Variants in KIF26A observed in about 807,000 individuals in gnomAD.
KIF26A encodes the protein kinesin family member 26A.
KIF26A carries 74 observed loss-of-function variants against 126.0 expected under a neutral mutation model. The observed-to-expected ratio is 0.59, with a 90% CI of 0.49 to 0.71. KIF26A has a LOEUF of 0.71. Ranked by LOEUF, KIF26A falls within the 30% of genes least tolerant of loss-of-function variation. KIF26A has a pLI of 0.00. For missense variants in KIF26A, 2,984 were observed against 2,763.3 expected (o/e 1.08, Z -1.79); for synonymous variants, 1,445 against 1,232.7 (o/e 1.17, Z -3.61).
At chr14:104,141,396 A>G (rs1353608946) in intron 2 of KIF26A, among the ~76,000 whole-genome samples, 1 of 152,222 alleles carries the variant, frequency 6.6e-6, no homozygotes, top group Non-Finnish European at 1.5e-5. Flanking sequence ...GAACTTCACA[A>G]TCATCCATCT....
In KIF26A at chr14:104,157,903, G is replaced by C. The variant is rs752300455; in HGVS notation, c.884G>C (p.Gly295Ala). ...LVTPTPGSVG[G>A]STGPSAAASF... The stretch of plus-strand genomic sequence containing the variant: ...ACCCCCACCCCGGGCTCGGTGGGGG[G>C]CTCCACAGGCCCCTCAGCTGCAGCC... Residue 295 changes from glycine (G) to alanine (A), a missense_variant, in exon 4 of 15, where the codon GGC becomes GCC. By Grantham distance (60) the Gly-to-Ala change is moderately conservative. Transcript: ENST00000423312. The C allele has an allele frequency of 2.6e-6, 4 of 1,557,278 alleles. No individual in the cohort carries two copies. The highest frequency in any genetic ancestry group is 3.5e-6 in the Non-Finnish European group (4 of 1,149,292).
intron 2 of KIF26A, among the ~76,000 whole-genome samples, chr14:104,149,925 G>C (rs1193647685): frequency 1.3e-5 from 2 of 152,174 alleles, no homozygotes; most frequent in East Asian, 1.9e-4. Flanking sequence ...CCCTTCACAC[G>C]GGGCCACCAG....
intron 2 of KIF26A, among the ~76,000 whole-genome samples, chr14:104,143,402 C>T (rs890025946): frequency 2.0e-5 from 3 of 152,232 alleles, no homozygotes; most frequent in Admixed American, 6.5e-5. Flanking sequence ...TCTCCTTGGA[C>T]GCTGCTCATG....
intron 2 of KIF26A, among the ~76,000 whole-genome samples, chr14:104,139,526 C>T (rs1048853659): frequency 3.9e-5 from 6 of 152,172 alleles, no homozygotes; most frequent in Admixed American, 1.3e-4. Context: ...CCTGGGCTGG[C>T]GTTCCTCCCC....
At chr14:104,149,533 C>T (rs1412107423) in intron 2 of KIF26A, among the ~76,000 whole-genome samples, 2 of 151,762 alleles carry the variant, frequency 1.3e-5, no homozygotes, top group East Asian at 1.9e-4. Context: ...CTTGGATGCC[C>T]GGAGCTCCGA....
chr14:104,178,132 A>G (rs1287403176), intron 12 of KIF26A, among the ~76,000 whole-genome samples: 3 of 151,942 alleles, frequency 2.0e-5, no homozygotes, highest in African/African-American at 7.3e-5. Flanking sequence ...CTCTGGCCCC[A>G]CCCTGCCCTG....
At chr14:104,153,856 C>G (rs34161718) in intron 3 of KIF26A, among the ~76,000 whole-genome samples, 2 of 152,114 alleles carry the variant, frequency 1.3e-5, no homozygotes, top group Admixed American at 6.5e-5. Context: ...AGGGTCCCAG[C>G]GGGTGGGGGT....
intron 4 of KIF26A, among the ~76,000 whole-genome samples, chr14:104,161,661 T>C (rs1365258507): frequency 6.6e-6 from 1 of 152,176 alleles, no homozygotes; most frequent in Non-Finnish European, 1.5e-5. Context: ...CTGAGCTTCT[T>C]CTGTGAGCAT....
chr14:104,171,988 G>A, intron 6 of KIF26A, 53 bp downstream of exon 6: 1 of 1,503,398 alleles, frequency 6.7e-7, no homozygotes, highest in Non-Finnish European at 9.0e-7. Flanking sequence ...CGGGCTGCTG[G>A]CTCAGCACAT....
intron 3 of KIF26A, among the ~76,000 whole-genome samples, chr14:104,153,391 AC>A (rs34972816): frequency 0.15 from 21,613 of 145,846 alleles, 2,208 homozygotes; most frequent in Middle Eastern, 0.22. Flanking sequence ...TGGCACCTAC[AC>A]CCTTCCACCT....
At chr14:104,159,749 C>T (rs918038259) in intron 4 of KIF26A, among the ~76,000 whole-genome samples, 2 of 152,176 alleles carry the variant, frequency 1.3e-5, no homozygotes, top group African/African-American at 4.8e-5. Context: ...GGTGGCAGGT[C>T]GTGGTTCAGG....
chr14:104,174,026 C>T (rs1221582972), intron 10 of KIF26A, 122 bp from the exon 11 acceptor site: 2 of 1,403,932 alleles, frequency 1.4e-6, no homozygotes, highest in Non-Finnish European at 1.9e-6. Context: ...TGCCTGGGGC[C>T]CCACGCTGGG....
rs377741553 is a variant in KIF26A, at chr14:104,172,559, T to C, written c.1327-16T>C. 280 of 1,605,280 alleles carry C rather than the reference T, an allele frequency of 1.7e-4. No homozygotes were observed. Among genetic ancestry groups the C allele is most frequent in the Non-Finnish European group, 2.3e-4 (269 of 1,174,048 alleles). Reference sequence around the variant, plus strand: ...GGAAGGGGCCACAGCCCTGCCTGATTCTCTTGCCCCCCTAGGCCGAAGTCT... The same window carrying C: ...GGAAGGGGCCACAGCCCTGCCTGATCCTCTTGCCCCCCTAGGCCGAAGTCT... On this transcript the variant is annotated splice_polypyrimidine_tract_variant and intron_variant, in intron 6 of 14. Coordinates refer to ENST00000423312, the MANE Select transcript of KIF26A (RefSeq NM_015656.2).
At position 104,144,824 on chromosome 14, in the gene KIF26A, A is replaced by G. The variant is rs147157572; in HGVS notation, c.288+5536A>G. The stretch of plus-strand genomic sequence containing the variant: ...ATCTTTGTGCAAGACAGTGTGGGCT[A>G]TGAGTAAATAAGTAAGAGTAAAAGT... On this transcript the variant is annotated intron_variant, in intron 2 of 14. Coordinates refer to ENST00000423312, the MANE Select transcript of KIF26A (RefSeq NM_015656.2). Among the ~76,000 whole-genome samples, 898 of 152,368 alleles carry G rather than the reference A, an allele frequency of 5.9e-3. 5 individuals are homozygous for G. Among genetic ancestry groups the G allele is most frequent in the Non-Finnish European group, 6.4e-3 (438 of 68,044 alleles).
Position 104,171,723 on chromosome 14 carries a change from G to A in KIF26A, c.1114G>A (p.Val372Met). The change falls in exon 6 of 15, where the codon GTG becomes ATG. Residue 372 changes from valine (V) to methionine (M), a missense_variant and splice_region_variant. Physicochemically the swap from Val to Met is conservative, Grantham distance 21 (BLOSUM62 1). Coordinates refer to ENST00000423312, the MANE Select transcript of KIF26A (RefSeq NM_015656.2). Reference sequence around the variant, plus strand: ...CAGGTGCCGCCCACCTCTGCCCCAGGTGAAGGTTATGCTGCGGATCTGGCC... The same window carrying A: ...CAGGTGCCGCCCACCTCTGCCCCAGATGAAGGTTATGCTGCGGATCTGGCC... ...TKDNPGSIGK[V>M]KVMLRIWPAQ... is the part of the protein sequence containing the mutation. 1.9e-6 allele frequency: 3 copies of A among 1,566,754 alleles called. No homozygotes were observed. Among genetic ancestry groups the A allele is most frequent in the Non-Finnish European group, 2.6e-6 (3 of 1,157,286 alleles).
intron 1 of KIF26A, 75 bp from the exon 2 acceptor site, chr14:104,138,949 TGGCAAGAGCGTCACGCTGG>T: frequency 7.7e-7 from 1 of 1,300,702 alleles, no homozygotes; most frequent in Non-Finnish European, 9.7e-7. Context: ...CTCCTAACTT[TGGCAAGAGCGTCACGCTGG>T]GGCAGGGCGC....
chr14:104,175,331 T>G lies in KIF26A; in HGVS notation c.2543T>G (p.Leu848Arg). Residue 848 changes from leucine (L) to arginine (R), a missense_variant, in exon 12 of 15, where the codon CTG becomes CGG. Coordinates refer to ENST00000423312, the MANE Select transcript of KIF26A (RefSeq NM_015656.2). ...CSTFAELQERLECMDGNEGPS... is the reference protein window; with the variant it reads ...CSTFAELQERRECMDGNEGPS... ...ACCTTCGCGGAGCTGCAGGAGCGGC[T>G]GGAATGCATGGACGGCAACGAGGGT... The G allele has an allele frequency of 1.2e-6, 2 of 1,603,530 alleles. No individual in the cohort carries two copies. Among genetic ancestry groups the G allele is most frequent in the Non-Finnish European group, 1.7e-6 (2 of 1,179,368 alleles).
chr14:104,165,299 A>T (rs965085747), intron 4 of KIF26A, among the ~76,000 whole-genome samples: 2 of 141,626 alleles, frequency 1.4e-5, no homozygotes, highest in Non-Finnish European at 3.0e-5. Context: ...CTCTGTATGC[A>T]TGTGTGTCTG....
Position 104,173,812 on chromosome 14 carries a change from G to A in KIF26A, c.1974G>A (p.Ser658=), listed in dbSNP as rs779239319. 12 of 1,603,558 alleles carry A rather than the reference G, an allele frequency of 7.5e-6. No homozygotes were observed. The highest frequency in any genetic ancestry group is 2.7e-5 in the African/African-American group (2 of 74,890). The change falls in exon 10 of 15, where the codon TCG becomes TCA. Residue 658 remains serine, a synonymous_variant. Transcript: ENST00000423312. ...AAGGPLCLSL[S]ALGSVILALV... is the part of the protein sequence containing the mutation. ...GGGGTCCCCTGTGTCTGTCCCTGTC[G>A]GCCCTGGGCAGCGTCATCTTGGCCC...
Sources: gnomAD v4.1 joint callset for allele counts (sites outside exome capture counted in the v4.1 genomes callset) on GRCh38, gnomAD v4.1.1 for gene constraint, MANE v1.5 for transcripts, NCBI Gene and HGNC (gene_info 2026-07-23, HGNC 2026-07-21) for gene names.